Variants in PPIF observed in about 807,000 individuals in gnomAD.
PPIF encodes peptidyl-prolyl cis-trans isomerase F, mitochondrial.
A neutral mutation model predicts 20.2 loss-of-function variants in PPIF; 23 were observed. The observed-to-expected ratio is 1.14, with a 90% confidence interval of 0.82 to 1.61. The LOEUF (loss-of-function observed/expected upper bound fraction) is 1.61. PPIF is among the 40% of genes most tolerant of loss of function. The probability of loss-of-function intolerance (pLI) is 0.00; values close to 1 mark genes in which losing one functional copy is unlikely to be tolerated. For synonymous variants in PPIF, 113 were observed against 123.1 expected, an observed-to-expected ratio of 0.92 and a Z score of 0.54; for missense variants, 287 against 291.6, an observed-to-expected ratio of 0.98 and a Z score of 0.11.
Position 79,347,513 on chromosome 10 carries a change from T to C in PPIF, c.-36T>C, listed in dbSNP as rs1855912643. ...CGCGACGTCAGTTTGAGTTCTGTGT[T>C]CTCCCCGCCCGTGTCCCGCCCGACC... On this transcript the variant is annotated 5_prime_UTR_variant, in exon 1 of 6. Transcript: ENST00000225174. The C allele has an allele frequency of 2.3e-6, 3 of 1,280,132 alleles. No individual in the cohort carries two copies. Among genetic ancestry groups the C allele is most frequent in the Non-Finnish European group, 2.9e-6 (3 of 1,017,576 alleles). The allele number at this position is 1,280,132 out of a possible 1,614,324, so 79.3% of individuals were successfully genotyped here.
chr10:79,351,696 CCTT>C lies in PPIF; in HGVS notation c.412+115_412+117del. On this transcript the variant is annotated intron_variant, in intron 4 of 5. Transcript: ENST00000225174. Reference sequence around the variant, plus strand: ...TCACCGTCCAGTATCTGATGAGTCTCCTTCCTCCCTGCGACACTGTAGGCTGTC... The same window carrying C: ...TCACCGTCCAGTATCTGATGAGTCTCCCTCCCTGCGACACTGTAGGCTGTC... The C allele has an allele frequency of 4.4e-6, 4 of 914,454 alleles. No homozygotes were observed. In the African/African-American group the frequency reaches 5.0e-5, roughly 11 times the overall value. The allele number at this position is 914,454 out of a possible 1,614,324, so 56.6% of individuals were successfully genotyped here. A position where few individuals can be genotyped will look rare whatever the true frequency, so the allele number is the denominator to read the frequency against.
intron 1 of PPIF, 27 bp downstream of exon 1, chr10:79,347,770 G>A (rs934684660): frequency 1.5e-6 from 2 of 1,292,616 alleles, no homozygotes; most frequent in African/African-American, 1.5e-5. Context: ...GGCCGGCCTG[G>A]GCGCGGGACA....
Position 79,351,585 on chromosome 10 carries a change from T to C in PPIF, c.412+2T>C, listed in dbSNP as rs1589646966. On this transcript the variant is annotated splice_donor_variant, in intron 4 of 5. Transcript: ENST00000225174. LOFTEE classifies it high-confidence loss of function. ...TTACACTGAAGCACGTGGGGCCAGG[T>C]GAGTGGGGGCCTCCTCTAGGGTGAG... is the stretch of plus-strand genomic sequence containing the variant. 1 of 1,613,366 alleles carries C rather than the reference T, an allele frequency of 6.2e-7. No homozygotes were observed. The highest frequency in any genetic ancestry group is 8.5e-7 in the Non-Finnish European group (1 of 1,179,318).
At chr10:79,347,935 C>T (rs1022716196) in intron 1 of PPIF, among the ~76,000 whole-genome samples, 192 bp downstream of exon 1, 3 of 152,040 alleles carry the variant, frequency 2.0e-5, no homozygotes, top group Non-Finnish European at 4.4e-5. Context: ...AGCACTGGAG[C>T]GGGGGAGACG....
rs1856015546 is a variant in PPIF, at chr10:79,353,914, A to G, written c.*72A>G. On this transcript the variant is annotated 3_prime_UTR_variant, in exon 6 of 6. Transcript: ENST00000225174. Reference sequence around the variant, plus strand: ...ACCCAGGTGGCCGCGTTGGGCTGTCAGCCAAGGTGCCTGAAACGATACGTG... The same window carrying G: ...ACCCAGGTGGCCGCGTTGGGCTGTCGGCCAAGGTGCCTGAAACGATACGTG... The G allele has an allele frequency of 6.6e-7, 1 of 1,516,374 alleles. No homozygotes were observed. Among genetic ancestry groups the G allele is most frequent in the Admixed American group, 1.8e-5 (1 of 55,864 alleles). 93.9% of individuals were successfully genotyped at this position (1,516,374 alleles called of 1,614,324 possible).
Position 79,349,113 on chromosome 10 carries a change from C to A in PPIF, c.226+7C>A. 6.2e-7 allele frequency: 1 copy of A among 1,614,000 alleles called. No individual in the cohort carries two copies. Among genetic ancestry groups the A allele is most frequent in the Non-Finnish European group, 8.5e-7 (1 of 1,179,980 alleles). Reference sequence around the variant, plus strand: ...GTCGTCCCAAAGACAGCTGGTAAGACAGGGCCTGGGGCCTTCTGAGATGGG... The same window carrying A: ...GTCGTCCCAAAGACAGCTGGTAAGAAAGGGCCTGGGGCCTTCTGAGATGGG... On this transcript the variant is annotated splice_region_variant and intron_variant, in intron 2 of 5. Transcript: ENST00000225174.
intron 2 of PPIF, 30 bp from the exon 3 acceptor site, chr10:79,349,635 T>C (rs1348954172): frequency 6.2e-7 from 1 of 1,612,280 alleles, no homozygotes; most frequent in East Asian, 2.2e-5. Context: ...GGCCTGGCCC[T>C]GTTGACCTGT....
Position 79,349,721 on chromosome 10 carries a change from T to C in PPIF, c.283T>C (p.Phe95Leu). Reference protein sequence around the residue: ...EKGFGYKGSTFHRVIPSFMCQ... With the variant: ...EKGFGYKGSTLHRVIPSFMCQ... ...GGGCTTCGGCTACAAAGGCTCCACC[T>C]TCCACAGGGTGATCCCTTCCTTCAT... is the stretch of plus-strand genomic sequence containing the variant. Residue 95 changes from phenylalanine (F) to leucine (L), a missense_variant, in exon 3 of 6, where the codon TTC becomes CTC. By Grantham distance (22) the Phe-to-Leu change is conservative. Coordinates refer to ENST00000225174, the MANE Select transcript of PPIF (RefSeq NM_005729.4). 2 of 1,614,042 alleles carry C rather than the reference T, an allele frequency of 1.2e-6. No individual in the cohort carries two copies. Among genetic ancestry groups the C allele is most frequent in the Non-Finnish European group, 1.7e-6 (2 of 1,180,014 alleles).
At position 79,347,534 on chromosome 10, in the gene PPIF, C is replaced by T. The variant is rs1821559132; in HGVS notation, c.-15C>T. ...GTGTTCTCCCCGCCCGTGTCCCGCC[C>T]GACCCGCGCCCGCGATGCTGGCGCT... On this transcript the variant is annotated 5_prime_UTR_variant, in exon 1 of 6. Transcript: ENST00000225174. 3 of 1,298,004 alleles carry T rather than the reference C, an allele frequency of 2.3e-6. No individual in the cohort carries two copies. The highest frequency in any genetic ancestry group is 2.9e-6 in the Non-Finnish European group (3 of 1,028,572). The allele number at this position is 1,298,004 out of a possible 1,614,324, so 80.4% of individuals were successfully genotyped here.
In PPIF at chr10:79,353,895, G is replaced by A; in HGVS notation, c.*53G>A. Reference sequence around the variant, plus strand: ...CAGCTGCAAATGTCCATGCACCCAGGTGGCCGCGTTGGGCTGTCAGCCAAG... The same window carrying A: ...CAGCTGCAAATGTCCATGCACCCAGATGGCCGCGTTGGGCTGTCAGCCAAG... On this transcript the variant is annotated 3_prime_UTR_variant, in exon 6 of 6. Transcript: ENST00000225174. 6.3e-7 allele frequency: 1 copy of A among 1,589,796 alleles called. No homozygotes were observed. Among genetic ancestry groups the A allele is most frequent in the Non-Finnish European group, 8.6e-7 (1 of 1,164,076 alleles).
In PPIF at chr10:79,349,704, G is replaced by A. The variant is rs2132150966; in HGVS notation, c.266G>A (p.Gly89Asp). The A allele has an allele frequency of 6.2e-7, 1 of 1,613,930 alleles. No homozygotes were observed. Among genetic ancestry groups the A allele is most frequent in the East Asian group, 2.2e-5 (1 of 44,886 alleles). Residue 89 changes from glycine to aspartate, a missense_variant, in exon 3 of 6, where the codon GGC becomes GAC. Physicochemically the swap from Gly to Asp is moderately conservative, Grantham distance 94 (BLOSUM62 -1). Coordinates refer to ENST00000225174, the MANE Select transcript of PPIF (RefSeq NM_005729.4). ...CTGTGCACTGGTGAGAAGGGCTTCG[G>A]CTACAAAGGCTCCACCTTCCACAGG... is the stretch of plus-strand genomic sequence containing the variant. ...RALCTGEKGF[G>D]YKGSTFHRVI...
At chr10:79,353,245 G>A (rs1856005184) in intron 5 of PPIF, among the ~76,000 whole-genome samples, 2 of 152,242 alleles carry the variant, frequency 1.3e-5, no homozygotes, top group Admixed American at 1.3e-4. Flanking sequence ...GGACTGAGCC[G>A]CCTTTTACAT....
intron 1 of PPIF, 146 bp from the exon 2 acceptor site, chr10:79,348,930 G>T (rs1443725425): frequency 1.9e-6 from 3 of 1,577,532 alleles, no homozygotes; most frequent in Admixed American, 3.4e-5. Flanking sequence ...CCTCCCATGG[G>T]GGTTGGCAAT....
Position 79,353,824 on chromosome 10 carries a change from C to T in PPIF, c.606C>T (p.Asp202=), listed in dbSNP as rs1564624561. ...GRTSKKIVIT[D]CGQLS Reference sequence around the variant, plus strand: ...CATCCAAGAAGATTGTCATCACAGACTGTGGCCAGTTGAGCTAATCTGTGG... The same window carrying T: ...CATCCAAGAAGATTGTCATCACAGATTGTGGCCAGTTGAGCTAATCTGTGG... The change falls in exon 6 of 6, where the codon GAC becomes GAT. Residue 202 remains aspartate (D), a synonymous_variant. Coordinates refer to ENST00000225174, the MANE Select transcript of PPIF (RefSeq NM_005729.4). The T allele has an allele frequency of 1.2e-6, 2 of 1,614,078 alleles. No homozygotes were observed. Among genetic ancestry groups the T allele is most frequent in the Admixed American group, 1.7e-5 (1 of 60,014 alleles).
At position 79,347,685 on chromosome 10, in the gene PPIF, C is replaced by A. The variant is rs1273338021; in HGVS notation, c.137C>A (p.Pro46Gln). The A allele has an allele frequency of 6.7e-7, 1 of 1,482,212 alleles. No homozygotes were observed. 91.8% of individuals were successfully genotyped at this position (1,482,212 alleles called of 1,614,324 possible). A position where few individuals can be genotyped will look rare whatever the true frequency, so the allele number is the denominator to read the frequency against. ...DPSSSSSSGN[P>Q]LVYLDVDANG... ...TCCTCTTCCTCCTCCTCCGGGAACC[C>A]GCTCGTGTACCTGGACGTGGACGCC... Residue 46 changes from proline to glutamine, a missense_variant, in exon 1 of 6, where the codon CCG (proline) becomes CAG (glutamine). By Grantham distance (76) the Pro-to-Gln change is moderately conservative (BLOSUM62 -1). Coordinates refer to ENST00000225174, the MANE Select transcript of PPIF (RefSeq NM_005729.4).
intron 1 of PPIF, among the ~76,000 whole-genome samples, chr10:79,348,434 C>T (rs1259700550): frequency 6.6e-6 from 1 of 152,170 alleles, no homozygotes; most frequent in Non-Finnish European, 1.5e-5. Flanking sequence ...AAACAGTCAC[C>T]AGGGTAGCTT....
At chr10:79,349,353 T>C (rs1212026405) in intron 2 of PPIF, among the ~76,000 whole-genome samples, 1 of 152,216 alleles carries the variant, frequency 6.6e-6, no homozygotes, top group Non-Finnish European at 1.5e-5. Context: ...ACATGTAAAT[T>C]TCCCGGAGAC....
intron 3 of PPIF, among the ~76,000 whole-genome samples, chr10:79,351,009 G>A (rs1449106786): frequency 1.3e-5 from 2 of 152,200 alleles, no homozygotes; most frequent in African/African-American, 4.8e-5. Flanking sequence ...GGTCTGCAAG[G>A]GTTGGGAAAG....
intron 3 of PPIF, among the ~76,000 whole-genome samples, chr10:79,350,208 C>T (rs2132151409): frequency 6.6e-6 from 1 of 152,052 alleles, no homozygotes; most frequent in African/African-American, 2.4e-5. Flanking sequence ...GCTTCCCTTC[C>T]CAGAGAAAGG....
Sources: allele counts gnomAD v4.1 joint callset (sites outside exome capture counted in the v4.1 genomes callset), GRCh38; gene constraint gnomAD v4.1.1; transcripts MANE v1.5; gene names NCBI Gene and HGNC (gene_info 2026-07-23, HGNC 2026-07-21).